The following WASHC5 variants were observed in gnomAD, a reference collection of about 807,000 sequenced individuals.
WASHC5 encodes WASH complex subunit strumpellin.
Under a neutral mutation model 150.4 loss-of-function variants are expected in WASHC5, and 101 were observed. The observed-to-expected ratio is 0.67, with a 90% CI of 0.57 to 0.79. The LOEUF (loss-of-function observed/expected upper bound fraction) is 0.79. Among genes scored for constraint, WASHC5 ranks in the 30% least tolerant of loss-of-function variants. WASHC5 has a pLI of 0.00. For synonymous variants in WASHC5, 467 were observed against 491.2 expected (o/e 0.95, Z 0.65); for missense variants, 1,195 against 1,396.3 (o/e 0.86, Z 2.30).
intron 10 of WASHC5, among the ~76,000 whole-genome samples, chr8:125,064,680 G>C (rs934212196): frequency 6.6e-6 from 1 of 151,962 alleles, no homozygotes; most frequent in African/African-American, 2.4e-5. Flanking sequence ...TCTCAGACAA[G>C]GGTAGATGGT....
At chr8:125,089,984 T>C (rs1414192674) in intron 1 of WASHC5, among the ~76,000 whole-genome samples, 1 of 152,252 alleles carries the variant, frequency 6.6e-6, no homozygotes, top group Non-Finnish European at 1.5e-5. Flanking sequence ...ATACTTTTAC[T>C]GAAATGAACT....
intron 23 of WASHC5, 54 bp from the exon 24 acceptor site, chr8:125,039,952 C>T: frequency 8.6e-7 from 1 of 1,167,160 alleles, no homozygotes; most frequent in Non-Finnish European, 1.3e-6. Flanking sequence ...TTCAGAGTGA[C>T]AGTGAGGAGG....
Position 125,047,337 on chromosome 8 carries a change from A to G in WASHC5, c.2380-6T>C, listed in dbSNP as rs375887732. On this transcript the variant is annotated splice_region_variant and splice_polypyrimidine_tract_variant and intron_variant, in intron 19 of 28. Transcript: ENST00000318410. ...ATGCTTTGCCAATCTTGAATCTAGAAAACAAAACCATCAATATTTAGTAAA... is the reference window on the plus strand; with the variant it reads ...ATGCTTTGCCAATCTTGAATCTAGAGAACAAAACCATCAATATTTAGTAAA... 1.9e-5 allele frequency: 31 copies of G among 1,613,292 alleles called. No homozygotes were observed. The highest frequency in any genetic ancestry group is 2.2e-5 in the Non-Finnish European group (26 of 1,179,380).
At chr8:125,056,981 T>G (rs1816426776) in intron 15 of WASHC5, among the ~76,000 whole-genome samples, 164 bp from the exon 16 acceptor site, 1 of 152,218 alleles carries the variant, frequency 6.6e-6, no homozygotes, top group Non-Finnish European at 1.5e-5. Context: ...CCTTTAAACA[T>G]TAATTGCTTA....
intron 17 of WASHC5, among the ~76,000 whole-genome samples, chr8:125,054,127 A>C (rs931499677): frequency 6.6e-6 from 1 of 152,208 alleles, no homozygotes; most frequent in African/African-American, 2.4e-5. Flanking sequence ...GAGTGGGGAT[A>C]TGCTCAGAGA....
Position 125,081,748 on chromosome 8 carries a change from T to A in WASHC5, c.431A>T (p.Tyr144Phe), listed in dbSNP as rs770894452. Residue 144 changes from tyrosine (Y) to phenylalanine (F), a missense_variant, in exon 5 of 29, where the codon TAC becomes TTC. Coordinates refer to ENST00000318410, the MANE Select transcript of WASHC5 (RefSeq NM_014846.4). ...DGKQLLCEAL[Y>F]LYGVMLLVID... ...GACCAGTAGCATAACTCCATATAAG[T>A]ACAGTGCTTCACACTAAGAAGAGAA... is the stretch of plus-strand genomic sequence containing the variant. 6.2e-7 allele frequency: 1 copy of A among 1,605,892 alleles called. No homozygotes were observed. The highest frequency in any genetic ancestry group is 1.1e-5 in the South Asian group (1 of 90,938).
At chr8:125,086,956 G>T (rs1236808837) in intron 1 of WASHC5, among the ~76,000 whole-genome samples, 2 of 152,230 alleles carry the variant, frequency 1.3e-5, no homozygotes, top group Non-Finnish European at 2.9e-5. Context: ...CTTCCTAGCT[G>T]AAGTGCTAGA....
At chr8:125,065,521 C>T (rs992821414) in intron 10 of WASHC5, among the ~76,000 whole-genome samples, 1 of 151,984 alleles carries the variant, frequency 6.6e-6, no homozygotes, top group African/African-American at 2.4e-5. Context: ...TCCTGATTTC[C>T]ACTCAACAAT....
intron 27 of WASHC5, among the ~76,000 whole-genome samples, chr8:125,031,196 G>A (rs1815524862): frequency 6.6e-6 from 1 of 152,134 alleles, no homozygotes; most frequent in African/African-American, 2.4e-5. Flanking sequence ...CTTAGTGGGA[G>A]GTCAATTAAA....
chr8:125,061,508 G>C (rs182626457), intron 11 of WASHC5, among the ~76,000 whole-genome samples: 8 of 152,320 alleles, frequency 5.3e-5, no homozygotes, highest in Admixed American at 5.2e-4. Context: ...AGTTACCAGG[G>C]AGAATTTTCT....
At chr8:125,064,778 T>C (rs1339444660) in intron 10 of WASHC5, among the ~76,000 whole-genome samples, 1 of 152,086 alleles carries the variant, frequency 6.6e-6, no homozygotes, top group Non-Finnish European at 1.5e-5. Context: ...TCATAATAAA[T>C]CTTGAAAAGC....
chr8:125,055,857 A>G (rs147385601), intron 16 of WASHC5, among the ~76,000 whole-genome samples, 186 bp from the exon 17 acceptor site: 22 of 152,338 alleles, frequency 1.4e-4, no homozygotes, highest in Non-Finnish European at 3.1e-4. Flanking sequence ...AGAAGACAAC[A>G]GTTTATTCTT....
At chr8:125,087,581 A>G (rs111806609) in intron 1 of WASHC5, among the ~76,000 whole-genome samples, 5,586 of 152,074 alleles carry the variant, frequency 0.037, 344 homozygotes, top group African/African-American at 0.13. Flanking sequence ...AATCAAAAGA[A>G]TATCAGTCAG....
At position 125,047,244 on chromosome 8, in the gene WASHC5, G is replaced by T; in HGVS notation, c.2467C>A (p.Arg823=). The T allele has an allele frequency of 6.2e-7, 1 of 1,614,004 alleles. No individual in the cohort carries two copies. The highest frequency in any genetic ancestry group is 1.1e-5 in the South Asian group (1 of 91,054). Residue 823 remains arginine (R), a synonymous_variant, in exon 20 of 29, where the codon CGA becomes AGA. Transcript: ENST00000318410. ...ATCCGCAGGATTTCTCTGCAGAGTC[G>T]ACCAATAAACGTTACAGACTCATCC... ...PVDESVTFIG[R]LCREILRITD...
intron 11 of WASHC5, among the ~76,000 whole-genome samples, chr8:125,062,717 TAA>T: frequency 6.6e-6 from 1 of 152,304 alleles, no homozygotes; most frequent in East Asian, 1.9e-4. Flanking sequence ...TCATACTGAT[TAA>T]AAATAATAGT....
chr8:125,024,502 T>C lies in WASHC5; in HGVS notation c.*115A>G. On this transcript the variant is annotated 3_prime_UTR_variant, in exon 29 of 29. Coordinates refer to ENST00000318410, the MANE Select transcript of WASHC5 (RefSeq NM_014846.4). ...TCAGAACGTCTGATGTTTCCCATAA[T>C]AGACAGAAAAAATGCAGTTGTATGA... 1 of 785,446 alleles carries C rather than the reference T, an allele frequency of 1.3e-6. No individual in the cohort carries two copies. The highest frequency in any genetic ancestry group is 1.4e-5 in the South Asian group (1 of 71,344). The allele number at this position is 785,446 out of a possible 1,614,324, so 48.7% of individuals were successfully genotyped here. A position where few individuals can be genotyped will look rare whatever the true frequency, so the allele number is the denominator to read the frequency against.
chr8:125,054,369 A>G (rs1816340358), intron 17 of WASHC5, among the ~76,000 whole-genome samples: 1 of 152,268 alleles, frequency 6.6e-6, no homozygotes, highest in Admixed American at 6.5e-5. Context: ...ACATCAAATA[A>G]TGCCATATGC....
At chr8:125,081,841 T>C (rs1817275697) in intron 4 of WASHC5, 80 bp from the exon 5 acceptor site, 2 of 871,466 alleles carry the variant, frequency 2.3e-6, no homozygotes, top group South Asian at 1.3e-5. Flanking sequence ...ATGAAAAATA[T>C]TGCTTTGCTC....
intron 1 of WASHC5, among the ~76,000 whole-genome samples, chr8:125,087,384 C>A (rs1301012957): frequency 6.6e-6 from 1 of 152,086 alleles, no homozygotes; most frequent in Non-Finnish European, 1.5e-5. Context: ...GTCCTAAAAA[C>A]CACTAGAAGT....
Sources: allele counts gnomAD v4.1 joint callset (sites outside exome capture counted in the v4.1 genomes callset), GRCh38; gene constraint gnomAD v4.1.1; transcripts MANE v1.5; gene names NCBI Gene and HGNC (gene_info 2026-07-23, HGNC 2026-07-21).